The following ZNRF3 variants were observed in gnomAD, a reference collection of about 807,000 sequenced individuals.
ZNRF3 encodes the protein zinc and ring finger 3, also known as E3 ubiquitin-protein ligase ZNRF3.
Under a neutral mutation model 72.5 loss-of-function variants are expected in ZNRF3, and 23 were observed. The ratio of observed to expected loss-of-function variants is 0.32; its 90% CI spans 0.23 to 0.45. ZNRF3 has a LOEUF of 0.45. Ranked by LOEUF, ZNRF3 falls within the 20% of genes least tolerant of loss-of-function variation. The probability of loss-of-function intolerance (pLI) is 1.00; values close to 1 mark genes in which losing one functional copy is unlikely to be tolerated. For synonymous variants in ZNRF3, 610 were observed against 545.3 expected (o/e 1.12, Z -1.65); for missense variants, 1,169 against 1,272.1 (o/e 0.92, Z 1.23).
intron 2 of ZNRF3, among the ~76,000 whole-genome samples, chr22:29,011,418 C>T (rs2036345009): frequency 6.6e-6 from 1 of 152,156 alleles, no homozygotes; most frequent in Non-Finnish European, 1.5e-5. Flanking sequence ...TGGGGACTGG[C>T]GGCTGGCCGA....
chr22:29,009,975 C>T (rs552757601), intron 2 of ZNRF3, among the ~76,000 whole-genome samples: 3 of 147,732 alleles, frequency 2.0e-5, no homozygotes, highest in East Asian at 2.0e-4. Context: ...GGCTCAATCT[C>T]GGCTCACTGC....
At chr22:28,986,876 A>T (rs191447329) in intron 1 of ZNRF3, among the ~76,000 whole-genome samples, 200 bp from the exon 2 acceptor site, 98 of 152,362 alleles carry the variant, frequency 6.4e-4, no homozygotes, top group Non-Finnish European at 1.1e-3. Context: ...ACATACATTT[A>T]TAATGGCTCT....
intron 2 of ZNRF3, among the ~76,000 whole-genome samples, chr22:29,037,340 C>G (rs1355083505): frequency 6.6e-6 from 1 of 152,192 alleles, no homozygotes; most frequent in Non-Finnish European, 1.5e-5. Context: ...TTCCCACCCA[C>G]AAAGTGGTGA....
intron 2 of ZNRF3, among the ~76,000 whole-genome samples, chr22:28,996,481 T>A (rs1053973794): frequency 6.6e-6 from 1 of 152,216 alleles, no homozygotes. Flanking sequence ...TTTTTGAGAA[T>A]GTGAAGGAGG....
intron 1 of ZNRF3, among the ~76,000 whole-genome samples, chr22:28,904,456 C>T (rs1443514865): frequency 6.6e-6 from 1 of 152,216 alleles, no homozygotes. Flanking sequence ...CTCCTCAGAT[C>T]ACAGGCTCAC....
At chr22:28,887,259 T>A (rs2033809320) in intron 1 of ZNRF3, among the ~76,000 whole-genome samples, 1 of 151,904 alleles carries the variant, frequency 6.6e-6, no homozygotes, top group Non-Finnish European at 1.5e-5. Flanking sequence ...TGTGTGTGTG[T>A]GTGTGTGTGT....
chr22:29,037,119 T>C (rs930818978), intron 2 of ZNRF3, among the ~76,000 whole-genome samples: 1 of 152,144 alleles, frequency 6.6e-6, no homozygotes, highest in Non-Finnish European at 1.5e-5. Context: ...CAATAAAGGG[T>C]AGGCACTAGG....
intron 1 of ZNRF3, among the ~76,000 whole-genome samples, chr22:28,971,059 C>A (rs924051343): frequency 6.6e-6 from 1 of 152,118 alleles, no homozygotes; most frequent in African/African-American, 2.4e-5. Context: ...TGTGGTGGCA[C>A]AAGCCTGTAG....
chr22:28,975,663 G>A (rs2123817356), intron 1 of ZNRF3, among the ~76,000 whole-genome samples: 1 of 152,238 alleles, frequency 6.6e-6, no homozygotes, highest in East Asian at 1.9e-4. Flanking sequence ...CTTGAACCTG[G>A]GAGGCAGAGA....
rs75430381 is a variant in ZNRF3, at chr22:29,044,238, G to A, written c.634-542G>A. On this transcript the variant is annotated intron_variant, in intron 4 of 8. Coordinates refer to ENST00000544604, the MANE Select transcript of ZNRF3 (RefSeq NM_001206998.2). ...TTAGGAGGCAGTGAGGAAAAGGTAAGAACTAAAACTAGAGGGAGTTTGCTG... is the reference window on the plus strand; with the variant it reads ...TTAGGAGGCAGTGAGGAAAAGGTAAAAACTAAAACTAGAGGGAGTTTGCTG... Among the ~76,000 whole-genome samples, 775 of 151,988 alleles carry A rather than the reference G, an allele frequency of 5.1e-3. 7 individuals are homozygous for A. The highest frequency in any genetic ancestry group is 0.018 in the African/African-American group (735 of 41,450).
intron 1 of ZNRF3, among the ~76,000 whole-genome samples, chr22:28,896,331 C>T (rs1038758914): frequency 6.6e-6 from 1 of 152,144 alleles, no homozygotes; most frequent in African/African-American, 2.4e-5. Flanking sequence ...GACAGGGTTT[C>T]ACCATGTTGG....
intron 1 of ZNRF3, among the ~76,000 whole-genome samples, chr22:28,909,408 C>T (rs949620430): frequency 4.6e-5 from 7 of 152,006 alleles, no homozygotes; most frequent in African/African-American, 1.4e-4. Context: ...CTGTGGACTC[C>T]GCCTTCAGAT....
rs1244290414 is a variant in ZNRF3 at position 29,001,715 on chromosome 22, T to C, written c.426+14514T>C. On this transcript the variant is annotated intron_variant, in intron 2 of 8. Transcript: ENST00000544604. ...CTCGAACTCCTGACCTCAAGTGATC[T>C]GCCCACCTTGGCCTCCCAAAGTGCT... Among the ~76,000 whole-genome samples, 3 of 152,244 alleles carry C rather than the reference T, an allele frequency of 2.0e-5. No homozygotes were observed. The East Asian group carries it at 5.8e-4, about 29-fold the overall frequency.
intron 2 of ZNRF3, among the ~76,000 whole-genome samples, chr22:29,011,314 A>G (rs540200366): frequency 1.3e-5 from 2 of 152,170 alleles, no homozygotes; most frequent in African/African-American, 2.4e-5. Flanking sequence ...CAGGCTGGCT[A>G]CATTATTCTG....
intron 1 of ZNRF3, among the ~76,000 whole-genome samples, chr22:28,908,255 G>A (rs2123758490): frequency 6.6e-6 from 1 of 152,350 alleles, no homozygotes; most frequent in East Asian, 1.9e-4. Context: ...GATTGAGAAT[G>A]AAGTGAAGCT....
At chr22:29,053,525 T>TC (rs2037245398) in intron 8 of ZNRF3, 54 bp from the exon 9 acceptor site, 2 of 1,581,636 alleles carry the variant, frequency 1.3e-6, no homozygotes, top group South Asian at 2.2e-5. Context: ...CCTTGCCTGG[T>TC]CCCATGTGTG....
intron 1 of ZNRF3, among the ~76,000 whole-genome samples, chr22:28,940,992 T>A (rs917329534): frequency 6.6e-6 from 1 of 152,194 alleles, no homozygotes; most frequent in South Asian, 2.1e-4. Context: ...TTTTTGGACG[T>A]CAGTTCTCTG....
intron 1 of ZNRF3, among the ~76,000 whole-genome samples, chr22:28,930,020 T>G (rs1262546193): frequency 6.6e-6 from 1 of 152,046 alleles, no homozygotes; most frequent in African/African-American, 2.4e-5. Flanking sequence ...TTCTGATGGG[T>G]TTTTTATTTG....
intron 1 of ZNRF3, among the ~76,000 whole-genome samples, chr22:28,895,639 C>G (rs1009245336): frequency 6.6e-6 from 1 of 152,126 alleles, no homozygotes; most frequent in Non-Finnish European, 1.5e-5. Flanking sequence ...TGCACTCCAG[C>G]CTGGGCGACA....
Sources: gnomAD v4.1 joint callset for allele counts (sites outside exome capture counted in the v4.1 genomes callset) on GRCh38, gnomAD v4.1.1 for gene constraint, MANE v1.5 for transcripts, NCBI Gene and HGNC (gene_info 2026-07-23, HGNC 2026-07-21) for gene names.